The following MILR1 variants were observed in gnomAD, a reference collection of about 807,000 sequenced individuals.
MILR1 encodes allergin-1.
Under a neutral mutation model 18.5 loss-of-function variants are expected in MILR1, and 31 were observed. The ratio of observed to expected loss-of-function variants is 1.68; its 90% CI spans 1.26 to 2.26. The LOEUF (loss-of-function observed/expected upper bound fraction) is 2.26, where lower values mean the gene tolerates loss of function less well. Among genes scored for constraint, MILR1 ranks in the 30% most tolerant of loss-of-function variants. The pLI, the probability that MILR1 is intolerant of heterozygous loss-of-function variation, is 0.00. For missense variants in MILR1, 257 were observed against 157.4 expected (o/e 1.63, Z -3.38); for synonymous variants, 85 against 56.2 (o/e 1.51, Z -2.30).
intron 3 of MILR1, among the ~76,000 whole-genome samples, chr17:64,454,073 G>A (rs2037236490): frequency 1.3e-5 from 2 of 151,736 alleles, no homozygotes; most frequent in South Asian, 4.2e-4. Flanking sequence ...AGGATTACAG[G>A]CATGCACCAC....
the MILR1 span, among the ~76,000 whole-genome samples, chr17:64,493,881 C>CATTTT: frequency 6.6e-6 from 1 of 152,164 alleles, no homozygotes; most frequent in African/African-American, 2.4e-5. Context: ...CAATTATCAA[C>CATTTT]ATTTTGCCAC....
At position 64,466,443 on chromosome 17, in the gene MILR1, G is replaced by GGA. The variant is rs782517779; in HGVS notation, c.857_858dup (p.Glu287ArgfsTer81). ...ATTTATGTCATTCTCATTTTACAGA[G>GGA]GAGGAATCTGTGCCAGAAGTGGGAT... On this transcript the variant is annotated frameshift_variant and splice_region_variant, in exon 7 of 10. Coordinates refer to ENST00000619286, the MANE Select transcript of MILR1 (RefSeq NM_001085423.2). LOFTEE classifies it high-confidence loss of function. 6.2e-7 allele frequency: 1 copy of GGA among 1,613,328 alleles called. No individual in the cohort carries two copies. Among genetic ancestry groups the GGA allele is most frequent in the Non-Finnish European group, 8.5e-7 (1 of 1,179,590 alleles).
chr17:64,491,583 C>T, the MILR1 span: 1 of 1,551,100 alleles, frequency 6.4e-7, no homozygotes, highest in South Asian at 1.1e-5. Context: ...AGGGGAGCTG[C>T]CAAGCTGGAT....
chr17:64,449,609 T>G (rs1280075772), intron 2 of MILR1, among the ~76,000 whole-genome samples: 7 of 152,184 alleles, frequency 4.6e-5, no homozygotes, highest in African/African-American at 1.7e-4. Context: ...TCCTTGTTAT[T>G]GTTGTTTTAT....
chr17:64,451,312 T>C (rs912620132), intron 2 of MILR1, among the ~76,000 whole-genome samples: 9 of 151,956 alleles, frequency 5.9e-5, no homozygotes, highest in African/African-American at 2.2e-4. Flanking sequence ...CAGCTAATTT[T>C]TGTATTTTTA....
chr17:64,489,341 T>C, the MILR1 span, among the ~76,000 whole-genome samples: 1 of 140,862 alleles, frequency 7.1e-6, no homozygotes. Context: ...CTAGAAGGAA[T>C]GATGGAATTT....
chr17:64,476,953 T>C, the MILR1 span, among the ~76,000 whole-genome samples: 1 of 152,102 alleles, frequency 6.6e-6, no homozygotes, highest in African/African-American at 2.4e-5. Flanking sequence ...TTGGTAACAA[T>C]GGGATATTTT....
rs2037330154 is a variant in MILR1, at chr17:64,457,608, A to G, written c.576A>G (p.Glu192=). 2 of 475,400 alleles carry G rather than the reference A, an allele frequency of 4.2e-6. No homozygotes were observed. The highest frequency in any genetic ancestry group is 2.0e-5 in the African/African-American group (1 of 50,644). The allele number at this position is 475,400 out of a possible 1,614,324, so 29.4% of individuals were successfully genotyped here. A position where few individuals can be genotyped will look rare whatever the true frequency, so the allele number is the denominator to read the frequency against. ...NLTKKNPGEE[E]EYRCEAKNRL... ...CCAAGAAGAATCCTGGAGAAGAGGAAGAGTATAGGTGTGAAGCTAAAAACA... is the reference window on the plus strand; with the variant it reads ...CCAAGAAGAATCCTGGAGAAGAGGAGGAGTATAGGTGTGAAGCTAAAAACA... Residue 192 remains glutamate, a synonymous_variant, in exon 4 of 10, where the codon GAA becomes GAG. Coordinates refer to ENST00000619286, the MANE Select transcript of MILR1 (RefSeq NM_001085423.2).
intron 5 of MILR1, among the ~76,000 whole-genome samples, chr17:64,462,740 A>G (rs1009167306): frequency 2.0e-5 from 3 of 151,172 alleles, no homozygotes; most frequent in Non-Finnish European, 4.4e-5. Context: ...TCCCTGGTTC[A>G]AGCGATTCTC....
intron 4 of MILR1, among the ~76,000 whole-genome samples, chr17:64,459,991 ATTTT>A (rs2037389287): frequency 8.4e-6 from 1 of 119,344 alleles, no homozygotes; most frequent in African/African-American, 3.4e-5. Flanking sequence ...ATTTTATTTT[ATTTT>A]ATTTATTTAT....
intron 3 of MILR1, among the ~76,000 whole-genome samples, chr17:64,453,724 CA>C (rs1253406974): frequency 3.3e-5 from 5 of 151,754 alleles, no homozygotes; most frequent in African/African-American, 1.2e-4. Context: ...TACTGCCTAG[CA>C]TTAAGGGCCT....
chr17:64,475,411 G>T, the MILR1 span, among the ~76,000 whole-genome samples: 1 of 151,926 alleles, frequency 6.6e-6, no homozygotes, highest in African/African-American at 2.4e-5. Flanking sequence ...CACTTTGGGA[G>T]GCCGAGGCGG....
the MILR1 span, among the ~76,000 whole-genome samples, chr17:64,476,677 TAAAA>T: frequency 6.6e-6 from 1 of 151,488 alleles, no homozygotes; most frequent in Admixed American, 6.6e-5. Flanking sequence ...TTCTCCATAA[TAAAA>T]AAAAGCATAA....
At chr17:64,486,455 G>A in the MILR1 span, among the ~76,000 whole-genome samples, 2 of 151,602 alleles carry the variant, frequency 1.3e-5, no homozygotes, top group South Asian at 2.1e-4. Flanking sequence ...TCTGCCACCC[G>A]GGTTCAAGTG....
chr17:64,467,453 A>T, intron 8 of MILR1, 112 bp from the exon 9 acceptor site: 2 of 655,210 alleles, frequency 3.1e-6, no homozygotes, highest in Non-Finnish European at 5.4e-6. Flanking sequence ...CCAGGAAAAA[A>T]TTAGTTAATA....
chr17:64,457,665 T>C lies in MILR1; in HGVS notation c.633T>C (p.Pro211=). ...CTAACTATGCAACATACAGTCACCC[T>C]GTCACCATGCCCTCAACAGGTAAGA... The part of the protein sequence containing the change: ...RLPNYATYSH[P]VTMPSTGGDS... Residue 211 remains proline (P), a synonymous_variant, in exon 4 of 10, where the codon CCT becomes CCC. Transcript: ENST00000619286. 2.1e-6 allele frequency: 1 copy of C among 474,920 alleles called. No homozygotes were observed. The highest frequency in any genetic ancestry group is 3.9e-6 in the Non-Finnish European group (1 of 259,070). The allele number at this position is 474,920 out of a possible 1,614,324, so 29.4% of individuals were successfully genotyped here.
Position 64,466,059 on chromosome 17 carries a change from A to C in MILR1, c.854-383A>C, listed in dbSNP as rs188394771. 2.6e-4 allele frequency among the ~76,000 whole-genome samples: 40 copies of C among 152,324 alleles called. No homozygotes were observed. The East Asian group carries it at 7.3e-3, about 28-fold the overall frequency. On this transcript the variant is annotated intron_variant, in intron 6 of 9. Coordinates refer to ENST00000619286, the MANE Select transcript of MILR1 (RefSeq NM_001085423.2). ...GCTTGGGAGGCCTCGGGAGACTTAC[A>C]ATCATGGTGGAAGGGGAAGCAAACA...
In MILR1 at chr17:64,466,433, A is replaced by G. The variant is rs1241276500; in HGVS notation, c.854-9A>G. The G allele has an allele frequency of 6.2e-7, 1 of 1,612,598 alleles. No individual in the cohort carries two copies. Among genetic ancestry groups the G allele is most frequent in the African/African-American group, 1.3e-5 (1 of 74,888 alleles). On this transcript the variant is annotated splice_polypyrimidine_tract_variant and intron_variant, in intron 6 of 9. Coordinates refer to ENST00000619286, the MANE Select transcript of MILR1 (RefSeq NM_001085423.2). The stretch of plus-strand genomic sequence containing the variant: ...CCAACCCCCAATTTATGTCATTCTC[A>G]TTTTACAGAGGAGGAATCTGTGCCA...
intron 2 of MILR1, among the ~76,000 whole-genome samples, chr17:64,450,361 A>T (rs1199568704): frequency 6.6e-6 from 1 of 152,196 alleles, no homozygotes; most frequent in Non-Finnish European, 1.5e-5. Context: ...GTGATAGCCA[A>T]GGTGGTGGTT....
Sources: allele counts gnomAD v4.1 joint callset (sites outside exome capture counted in the v4.1 genomes callset), GRCh38; gene constraint gnomAD v4.1.1; transcripts MANE v1.5; gene names NCBI Gene and HGNC (gene_info 2026-07-23, HGNC 2026-07-21).